The following ZCWPW2 variants were observed in gnomAD, a reference collection of about 807,000 sequenced individuals.
ZCWPW2 encodes the protein zinc finger CW-type and PWWP domain containing 2.
A neutral mutation model predicts 46.6 loss-of-function variants in ZCWPW2; 45 were observed. The observed-to-expected ratio is 0.96, with a 90% CI of 0.76 to 1.24. The LOEUF (loss-of-function observed/expected upper bound fraction) is 1.24. ZCWPW2 is among the 50% of genes most tolerant of loss of function. ZCWPW2 has a pLI of 0.00. For synonymous variants in ZCWPW2, 152 were observed against 137.1 expected (o/e 1.11, Z -0.76); for missense variants, 429 against 403.9 (o/e 1.06, Z -0.53).
rs141812544 is a variant in ZCWPW2 at position 28,517,776 on chromosome 3, G to C, written c.784+2155G>C. Reference sequence around the variant, plus strand: ...AGTGACTGAGTTATTGAGACAAACTGTGAGTTATTTCTTATCAGGAATGGA... The same window carrying C: ...AGTGACTGAGTTATTGAGACAAACTCTGAGTTATTTCTTATCAGGAATGGA... On this transcript the variant is annotated intron_variant, in intron 8 of 9. Transcript: ENST00000383768. 4.4e-3 allele frequency among the ~76,000 whole-genome samples: 670 copies of C among 152,228 alleles called. 11 individuals are homozygous for C. Among genetic ancestry groups the C allele is most frequent in the African/African-American group, 0.015 (634 of 41,544 alleles).
At chr3:28,489,113 T>C (rs572861421) in intron 5 of ZCWPW2, among the ~76,000 whole-genome samples, 1 of 152,300 alleles carries the variant, frequency 6.6e-6, no homozygotes, top group African/African-American at 2.4e-5. Flanking sequence ...TCCCAATTTA[T>C]TGCCTTGTTA....
intron 4 of ZCWPW2, among the ~76,000 whole-genome samples, chr3:28,443,667 A>G (rs1697862045): frequency 6.6e-6 from 1 of 152,194 alleles, no homozygotes; most frequent in Admixed American, 6.5e-5. Flanking sequence ...GTTGAGTATC[A>G]TCACTTGGCC....
intron 3 of ZCWPW2, among the ~76,000 whole-genome samples, chr3:28,425,766 T>C (rs985779451): frequency 6.6e-6 from 1 of 152,208 alleles, no homozygotes; most frequent in Non-Finnish European, 1.5e-5. Flanking sequence ...ATTATAACAG[T>C]TATATCTACT....
chr3:28,434,304 G>A (rs879482630), intron 3 of ZCWPW2, among the ~76,000 whole-genome samples: 25 of 151,950 alleles, frequency 1.6e-4, no homozygotes, highest in African/African-American at 6.0e-4. Flanking sequence ...TTGCTTATCA[G>A]GGGTGTTAAT....
chr3:28,469,192 T>C (rs1447377750), intron 4 of ZCWPW2, among the ~76,000 whole-genome samples: 1 of 152,080 alleles, frequency 6.6e-6, no homozygotes, highest in Non-Finnish European at 1.5e-5. Flanking sequence ...ACAAGCCTCA[T>C]GGTAATCACA....
intron 5 of ZCWPW2, among the ~76,000 whole-genome samples, chr3:28,483,196 T>G (rs2125808584): frequency 6.6e-6 from 1 of 152,278 alleles, no homozygotes; most frequent in South Asian, 2.1e-4. Flanking sequence ...AATTTACTTT[T>G]TGTGTGTGTG....
At chr3:28,454,021 T>G (rs1698335543) in intron 4 of ZCWPW2, among the ~76,000 whole-genome samples, 1 of 151,614 alleles carries the variant, frequency 6.6e-6, no homozygotes, top group Non-Finnish European at 1.5e-5. Context: ...ATTTTTTGTA[T>G]TTTTAGTAGA....
intron 1 of ZCWPW2, among the ~76,000 whole-genome samples, chr3:28,371,726 G>A (rs1705339917): frequency 6.6e-6 from 1 of 152,076 alleles, no homozygotes; most frequent in South Asian, 2.1e-4. Context: ...AGGACTCTCA[G>A]TAAACTAACT....
intron 5 of ZCWPW2, among the ~76,000 whole-genome samples, chr3:28,481,883 G>T (rs1699441001): frequency 1.3e-5 from 2 of 152,108 alleles, no homozygotes; most frequent in African/African-American, 4.8e-5. Flanking sequence ...AAAGTACAGA[G>T]AGTTCCCATA....
intron 1 of ZCWPW2, among the ~76,000 whole-genome samples, chr3:28,383,600 A>G (rs1695173383): frequency 6.6e-6 from 1 of 151,950 alleles, no homozygotes; most frequent in South Asian, 2.1e-4. Context: ...TCTAGAAGAT[A>G]AGAGGTGTGT....
chr3:28,364,593 T>C (rs2125696036), intron 1 of ZCWPW2, among the ~76,000 whole-genome samples: 1 of 152,320 alleles, frequency 6.6e-6, no homozygotes, highest in Non-Finnish European at 1.5e-5. Flanking sequence ...TATTCCCTTT[T>C]CACCACATCC....
intron 3 of ZCWPW2, among the ~76,000 whole-genome samples, chr3:28,432,521 C>T (rs1001351730): frequency 2.6e-5 from 4 of 152,102 alleles, no homozygotes; most frequent in African/African-American, 9.7e-5. Flanking sequence ...AGCTTACTGA[C>T]CTTATTTGCT....
intron 3 of ZCWPW2, chr3:28,428,363 A>G (rs1697107163): frequency 6.6e-6 from 1 of 152,020 alleles, no homozygotes; most frequent in South Asian, 2.1e-4. Flanking sequence ...GTAGTCCTCT[A>G]CCTGTGCTTT....
chr3:28,394,442 GA>G (rs575881211), intron 2 of ZCWPW2, among the ~76,000 whole-genome samples: 6 of 152,014 alleles, frequency 3.9e-5, no homozygotes, highest in Non-Finnish European at 8.8e-5. Flanking sequence ...TTGGAACCAT[GA>G]AAGACTCTAA....
At chr3:28,417,202 A>C (rs539765530) in intron 3 of ZCWPW2, among the ~76,000 whole-genome samples, 85 of 152,234 alleles carry the variant, frequency 5.6e-4, no homozygotes, top group Non-Finnish European at 1.0e-3. Context: ...GATCCCACAG[A>C]AATACAAACT....
In ZCWPW2 at chr3:28,478,847, A is replaced by G. The variant is rs754031438; in HGVS notation, c.526A>G (p.Lys176Glu). The G allele has an allele frequency of 4.4e-6, 7 of 1,576,854 alleles. 1 individual carries two copies. The South Asian group carries it at 6.1e-5, about 14-fold the overall frequency. Reference sequence around the variant, plus strand: ...GTGTAAGAATAAAAAGAAGTGGTATAAAAGTGCACTACAAGAAGCATGTCT... The same window carrying G: ...GTGTAAGAATAAAAAGAAGTGGTATGAAAGTGCACTACAAGAAGCATGTCT... The part of the protein sequence containing the change: ...EKCKNKKKWY[K>E]SALQEACLLY... The change falls in exon 5 of 10, where the codon AAA becomes GAA. Residue 176 changes from lysine to glutamate, a missense_variant. Coordinates refer to ENST00000383768, the MANE Select transcript of ZCWPW2 (RefSeq NM_001040432.4).
At chr3:28,431,830 A>G (rs1306901556) in intron 3 of ZCWPW2, among the ~76,000 whole-genome samples, 1 of 152,120 alleles carries the variant, frequency 6.6e-6, no homozygotes, top group African/African-American at 2.4e-5. Context: ...CATACTTGAG[A>G]CTGGGTAATT....
intron 8 of ZCWPW2, among the ~76,000 whole-genome samples, chr3:28,518,381 C>T (rs1463471771): frequency 6.6e-6 from 1 of 152,038 alleles, no homozygotes; most frequent in Non-Finnish European, 1.5e-5. Flanking sequence ...TGGAGGATAT[C>T]ACTGACCAAT....
At chr3:28,482,526 A>G in intron 5 of ZCWPW2, among the ~76,000 whole-genome samples, 1 of 151,138 alleles carries the variant, frequency 6.6e-6, no homozygotes, top group Non-Finnish European at 1.5e-5. Flanking sequence ...AAGGAACACA[A>G]TTGCTGATCA....
Sources: gnomAD v4.1 joint callset for allele counts (sites outside exome capture counted in the v4.1 genomes callset) on GRCh38, gnomAD v4.1.1 for gene constraint, MANE v1.5 for transcripts, NCBI Gene and HGNC (gene_info 2026-07-23, HGNC 2026-07-21) for gene names.